The following CDC14A variants were observed in gnomAD, a reference collection of about 807,000 sequenced individuals.
CDC14A encodes the protein cell division cycle 14A, also known as dual specificity protein phosphatase CDC14A.
CDC14A carries 53 observed loss-of-function variants against 74.4 expected under a neutral mutation model. That is an observed-to-expected ratio of 0.71 (90% confidence interval 0.57 to 0.89). The LOEUF (loss-of-function observed/expected upper bound fraction) is 0.89, where lower values mean the gene tolerates loss of function less well. CDC14A is among the 40% of genes least tolerant of loss of function. The pLI is 0.00. For missense variants in CDC14A, 646 were observed against 713.7 expected (o/e 0.91, Z 1.08); for synonymous variants, 247 against 258.4 (o/e 0.96, Z 0.43).
intron 1 of CDC14A, among the ~76,000 whole-genome samples, chr1:100,345,893 C>A (rs1286848250): frequency 6.6e-6 from 1 of 152,122 alleles, no homozygotes. Context: ...TAGATTACGG[C>A]TGGGGGTGGT....
chr1:100,400,989 A>T (rs1268624475), intron 4 of CDC14A, among the ~76,000 whole-genome samples: 1 of 152,162 alleles, frequency 6.6e-6, no homozygotes, highest in Non-Finnish European at 1.5e-5. Context: ...CACTGCATTT[A>T]GTACTATATA....
intron 10 of CDC14A, among the ~76,000 whole-genome samples, chr1:100,479,849 A>G (rs563406197): frequency 4.0e-4 from 61 of 152,342 alleles, no homozygotes; most frequent in Non-Finnish European, 6.9e-4. Context: ...AAATCCTAAT[A>G]TGGGTTCAAG....
At chr1:100,452,530 G>T (rs1230302584) in intron 7 of CDC14A, among the ~76,000 whole-genome samples, 1 of 152,090 alleles carries the variant, frequency 6.6e-6, no homozygotes, top group African/African-American at 2.4e-5. Flanking sequence ...AAAAGGAATT[G>T]TAAAAATTCA....
At chr1:100,371,508 G>A (rs116402288) in intron 2 of CDC14A, among the ~76,000 whole-genome samples, 2,312 of 152,212 alleles carry the variant, frequency 0.015, 60 homozygotes, top group African/African-American at 0.053. Context: ...TACCATGAAC[G>A]GATGTTGGAT....
chr1:100,492,594 G>A (rs1670812600), intron 11 of CDC14A, among the ~76,000 whole-genome samples: 1 of 152,068 alleles, frequency 6.6e-6, no homozygotes, highest in Non-Finnish European at 1.5e-5. Context: ...ATTGTTCACG[G>A]TTGAGCTTAG....
intron 4 of CDC14A, among the ~76,000 whole-genome samples, chr1:100,420,402 C>A (rs1358754386): frequency 1.3e-5 from 2 of 151,646 alleles, no homozygotes; most frequent in African/African-American, 4.8e-5. Flanking sequence ...GATTTAATGA[C>A]TGCAGGATTT....
intron 10 of CDC14A, among the ~76,000 whole-genome samples, chr1:100,469,005 C>T (rs1668125972): frequency 6.6e-6 from 1 of 152,016 alleles, no homozygotes; most frequent in Non-Finnish European, 1.5e-5. Flanking sequence ...AGCAATCCTC[C>T]CACCTTGACT....
intron 4 of CDC14A, among the ~76,000 whole-genome samples, chr1:100,410,971 GAAT>G (rs1271821034): frequency 3.3e-5 from 5 of 152,176 alleles, no homozygotes; most frequent in Admixed American, 6.5e-5. Context: ...GCAATGCGGA[GAAT>G]AATTTCTCCT....
chr1:100,377,397 T>G, intron 2 of CDC14A, 149 bp from the exon 3 acceptor site: 3 of 618,376 alleles, frequency 4.9e-6, no homozygotes, highest in Non-Finnish European at 8.5e-6. Context: ...GACGAAACCA[T>G]TAGTTATTTG....
At chr1:100,425,831 A>T (rs965796700) in intron 5 of CDC14A, among the ~76,000 whole-genome samples, 1 of 152,200 alleles carries the variant, frequency 6.6e-6, no homozygotes, top group African/African-American at 2.4e-5. Flanking sequence ...AGGGGTAATA[A>T]TGCTGATAAT....
At chr1:100,394,629 G>A (rs1486540782) in intron 4 of CDC14A, among the ~76,000 whole-genome samples, 2 of 152,244 alleles carry the variant, frequency 1.3e-5, no homozygotes, top group African/African-American at 4.8e-5. Flanking sequence ...GGTGGAAGAA[G>A]TGCTGAGTAC....
intron 3 of CDC14A, among the ~76,000 whole-genome samples, chr1:100,390,226 T>G (rs1316586737): frequency 1.3e-5 from 2 of 152,188 alleles, no homozygotes; most frequent in Non-Finnish European, 2.9e-5. Flanking sequence ...TTTCAGATAT[T>G]AAAAGGGGGT....
intron 2 of CDC14A, among the ~76,000 whole-genome samples, chr1:100,376,467 C>T (rs1655278888): frequency 6.6e-6 from 1 of 152,080 alleles, no homozygotes; most frequent in Non-Finnish European, 1.5e-5. Flanking sequence ...GCCTGAGTGA[C>T]TGGGAGAAGC....
intron 10 of CDC14A, among the ~76,000 whole-genome samples, chr1:100,482,917 A>G (rs1427527318): frequency 2.0e-5 from 3 of 152,074 alleles, no homozygotes; most frequent in East Asian, 3.9e-4. Flanking sequence ...CATAAATGAC[A>G]TGGTCTTATT....
intron 4 of CDC14A, among the ~76,000 whole-genome samples, chr1:100,402,102 G>A (rs1008672955): frequency 2.0e-5 from 3 of 151,460 alleles, no homozygotes; most frequent in African/African-American, 4.9e-5. Flanking sequence ...AATTAGAGTT[G>A]GATCTTGAAA....
At chr1:100,449,413 C>T (rs1411608011) in intron 7 of CDC14A, among the ~76,000 whole-genome samples, 1 of 152,182 alleles carries the variant, frequency 6.6e-6, no homozygotes, top group Non-Finnish European at 1.5e-5. Flanking sequence ...CTTACTACAG[C>T]ACAGAAGGCC....
chr1:100,478,481 A>G (rs1242803431), intron 10 of CDC14A, among the ~76,000 whole-genome samples: 1 of 152,132 alleles, frequency 6.6e-6, no homozygotes, highest in African/African-American at 2.4e-5. Flanking sequence ...TAAAGCTTTC[A>G]TTCATTATAA....
In CDC14A at chr1:100,362,092, T is replaced by G. The variant is rs1219386436; in HGVS notation, c.140+8240T>G. 2.0e-5 allele frequency among the ~76,000 whole-genome samples: 3 copies of G among 152,312 alleles called. No homozygotes were observed. In the East Asian group the frequency reaches 5.8e-4, roughly 29 times the overall value. On this transcript the variant is annotated intron_variant, in intron 2 of 15. Coordinates refer to ENST00000336454, the MANE Select transcript of CDC14A (RefSeq NM_003672.4). ...GAAGGAAACTGCCTTTTTGCTATTC[T>G]GTTTTGTTTTGAGGATTGGAGATAG...
chr1:100,453,508 A>T (rs184419401), intron 7 of CDC14A, among the ~76,000 whole-genome samples: 2 of 152,378 alleles, frequency 1.3e-5, no homozygotes, highest in African/African-American at 4.8e-5. Context: ...TATTTAAACA[A>T]GCAAATTTTA....
Sources: allele counts gnomAD v4.1 joint callset (sites outside exome capture counted in the v4.1 genomes callset), GRCh38; gene constraint gnomAD v4.1.1; transcripts MANE v1.5; gene names NCBI Gene and HGNC (gene_info 2026-07-23, HGNC 2026-07-21).